OTOGL: variants seen among roughly 807,000 people sequenced by gnomAD.
OTOGL encodes the protein otogelin-like protein.
In OTOGL, 285 loss-of-function variants were observed where a neutral mutation model predicts 318.5. That is an observed-to-expected ratio of 0.89 (90% CI 0.81 to 0.99). The LOEUF (loss-of-function observed/expected upper bound fraction) is 0.99. Among genes scored for constraint, OTOGL ranks in the 50% least tolerant of loss-of-function variants. OTOGL has a pLI of 0.00. For synonymous variants in OTOGL, 987 were observed against 936.5 expected (o/e 1.05, Z -0.99); for missense variants, 2,899 against 2,845.6 (o/e 1.02, Z -0.43).
At chr12:80,268,099 A>C (rs7953471) in intron 22 of OTOGL, among the ~76,000 whole-genome samples, 1 of 152,086 alleles carries the variant, frequency 6.6e-6, no homozygotes, top group Non-Finnish European at 1.5e-5. Context: ...TCTGGTTATA[A>C]ATTTTCTGTT....
chr12:80,357,004 C>A, intron 49 of OTOGL, 90 bp downstream of exon 49: 5 of 671,138 alleles, frequency 7.5e-6, no homozygotes, highest in Non-Finnish European at 1.2e-5. Flanking sequence ...AGACTGATGG[C>A]AAGCAATATT....
chr12:80,358,247 G>A lies in OTOGL; in HGVS notation c.6020-1G>A, dbSNP rs1314419341. Reference sequence around the variant, plus strand: ...ATTTTTGGCTTCTTGTTTTACCTTAGTTTGTGAATCTTGCACCAAACCTGT... The same window carrying A: ...ATTTTTGGCTTCTTGTTTTACCTTAATTTGTGAATCTTGCACCAAACCTGT... On this transcript the variant is annotated splice_acceptor_variant, in intron 49 of 58. Transcript: ENST00000547103. LOFTEE classifies it high-confidence loss of function. The A allele has an allele frequency of 6.2e-7, 1 of 1,606,148 alleles. No individual in the cohort carries two copies. The highest frequency in any genetic ancestry group is 8.5e-7 in the Non-Finnish European group (1 of 1,174,344).
At chr12:80,348,819 G>C (rs1889364508) in intron 44 of OTOGL, among the ~76,000 whole-genome samples, 1 of 151,984 alleles carries the variant, frequency 6.6e-6, no homozygotes. Context: ...CTGCCAAAAT[G>C]CTCTTCTTCT....
Position 80,270,119 on chromosome 12 carries a change from C to A in OTOGL, c.2483C>A (p.Thr828Asn). The part of the protein sequence containing the change: ...PSGLCQCSNG[T>N]VKCDELATPS... ...ACTTCTAGCCAGTGTTCAAATGGGA[C>A]TGTGAAATGTGATGAATTAGCAACG... The change falls in exon 23 of 59, where the codon ACT (threonine) becomes AAT (asparagine). Residue 828 changes from threonine (T) to asparagine (N), a missense_variant. By Grantham distance (65) the Thr-to-Asn change is moderately conservative (BLOSUM62 0). Around this residue, in one of 3 missense-constraint regions of OTOGL, gnomAD observed 2,607 missense variants for 2,524.9 expected, o/e 1.03. Transcript: ENST00000547103. The A allele has an allele frequency of 6.2e-7, 1 of 1,603,238 alleles. No individual in the cohort carries two copies. Among genetic ancestry groups the A allele is most frequent in the Non-Finnish European group, 8.5e-7 (1 of 1,171,174 alleles).
At chr12:80,148,934 T>A (rs972639856) in intron 1 of OTOGL, among the ~76,000 whole-genome samples, 6 of 152,214 alleles carry the variant, frequency 3.9e-5, no homozygotes, top group Non-Finnish European at 8.8e-5. Context: ...TCTGTATTGA[T>A]TATTCTAGTT....
At chr12:80,171,040 T>G (rs1874173391) in intron 1 of OTOGL, among the ~76,000 whole-genome samples, 1 of 152,084 alleles carries the variant, frequency 6.6e-6, no homozygotes, top group African/African-American at 2.4e-5. Context: ...TTTGAGTTTG[T>G]ATGTGTATGT....
intron 1 of OTOGL, among the ~76,000 whole-genome samples, chr12:80,151,424 TC>T (rs1872774463): frequency 6.6e-6 from 1 of 152,126 alleles, no homozygotes; most frequent in Non-Finnish European, 1.5e-5. Flanking sequence ...CTTAAAACAT[TC>T]TGAAATTATT....
chr12:80,115,007 C>A (rs1870076059), intron 1 of OTOGL, among the ~76,000 whole-genome samples: 1 of 151,812 alleles, frequency 6.6e-6, no homozygotes, highest in African/African-American at 2.4e-5. Flanking sequence ...ATTCCTCTAA[C>A]CTTTTATCAA....
At chr12:80,266,213 A>G in intron 20 of OTOGL, 1 of 496,902 alleles carries the variant, frequency 2.0e-6, no homozygotes, top group Non-Finnish European at 3.6e-6. Context: ...AATATTTACC[A>G]TTTGCGAAGC....
intron 1 of OTOGL, among the ~76,000 whole-genome samples, chr12:80,102,551 C>T (rs909179084): frequency 1.3e-5 from 2 of 152,168 alleles, no homozygotes; most frequent in African/African-American, 2.4e-5. Context: ...TCTACATCTC[C>T]ACTGTCACCC....
intron 7 of OTOGL, 140 bp from the exon 8 acceptor site, chr12:80,229,117 A>G: frequency 9.9e-7 from 1 of 1,008,900 alleles, no homozygotes; most frequent in African/African-American, 1.6e-5. Flanking sequence ...CTTTTCTCTC[A>G]GAAATCCCAA....
intron 46 of OTOGL, among the ~76,000 whole-genome samples, chr12:80,354,362 G>A (rs1592747740): frequency 6.6e-6 from 1 of 152,262 alleles, no homozygotes; most frequent in African/African-American, 2.4e-5. Flanking sequence ...GCCAGCAGAA[G>A]TGTGATTAAA....
At chr12:80,235,467 C>CAAAAAAAAAA (rs10600987) in intron 9 of OTOGL, among the ~76,000 whole-genome samples, 8 of 86,964 alleles carry the variant, frequency 9.2e-5, no homozygotes, top group African/African-American at 3.6e-4. Flanking sequence ...GACTCTGTCT[C>CAAAAAAAAAA]AAAAAAAAAA....
At chr12:80,257,783 T>G (rs1294750045) in intron 17 of OTOGL, 42 bp from the exon 18 acceptor site, 2 of 1,447,402 alleles carry the variant, frequency 1.4e-6, no homozygotes, top group Non-Finnish European at 1.9e-6. Flanking sequence ...GAACACCGTC[T>G]ATGAATGTCA....
intron 27 of OTOGL, among the ~76,000 whole-genome samples, chr12:80,301,772 T>G (rs914117213): frequency 3.6e-4 from 55 of 152,336 alleles, no homozygotes; most frequent in Middle Eastern, 3.4e-3. Flanking sequence ...CCATGAGGGT[T>G]AGGTCCCAAG....
At chr12:80,127,523 G>A (rs1481201568) in intron 1 of OTOGL, among the ~76,000 whole-genome samples, 3 of 152,132 alleles carry the variant, frequency 2.0e-5, no homozygotes, top group Non-Finnish European at 4.4e-5. Context: ...GTGTCTTGGA[G>A]TTGCTCTTCT....
At chr12:80,257,698 G>A in intron 17 of OTOGL, 127 bp from the exon 18 acceptor site, 1 of 975,644 alleles carries the variant, frequency 1.0e-6, no homozygotes, top group Non-Finnish European at 1.4e-6. Context: ...AGCACAGACA[G>A]GAACCACTAG....
chr12:80,175,229 A>G (rs1428964204), intron 1 of OTOGL, among the ~76,000 whole-genome samples: 1 of 152,202 alleles, frequency 6.6e-6, no homozygotes, highest in Non-Finnish European at 1.5e-5. Flanking sequence ...TTTAGTATCT[A>G]TTTATAAAAA....
intron 52 of OTOGL, among the ~76,000 whole-genome samples, chr12:80,363,087 C>A (rs1890330107): frequency 2.6e-5 from 4 of 152,116 alleles, no homozygotes. Context: ...AAAGTGCTAG[C>A]ATTAGAGGTG....
Sources: gnomAD v4.1 joint callset for allele counts (sites outside exome capture counted in the v4.1 genomes callset) on GRCh38, gnomAD v4.1.1 for gene constraint, gnomAD v4.1.1 regional missense constraint, MANE v1.5 for transcripts, NCBI Gene and HGNC (gene_info 2026-07-23, HGNC 2026-07-21) for gene names.